Variants in BCAS3 observed in about 807,000 individuals in gnomAD.
The protein encoded by BCAS3 is BCAS3 microtubule associated cell migration factor, also known as BCAS4/BCAS3 fusion.
A neutral mutation model predicts 116.1 loss-of-function variants in BCAS3; 53 were observed. The ratio of observed to expected loss-of-function variants is 0.46; its 90% CI spans 0.37 to 0.57. BCAS3 has a LOEUF of 0.57. BCAS3 is among the 20% of genes least tolerant of loss of function. The probability of loss-of-function intolerance (pLI) is 0.00; values close to 1 mark genes in which losing one functional copy is unlikely to be tolerated. For synonymous variants in BCAS3, 391 were observed against 408.2 expected (o/e 0.96, Z 0.51); for missense variants, 917 against 1,165.4 (o/e 0.79, Z 3.10).
chr17:61,102,746 T>C (rs187133742), intron 22 of BCAS3, among the ~76,000 whole-genome samples: 5 of 152,226 alleles, frequency 3.3e-5, no homozygotes, highest in Admixed American at 1.3e-4. Context: ...AAGAAGAGTA[T>C]AGGAACATCT....
At chr17:61,303,878 G>C (rs1568802450) in intron 22 of BCAS3, among the ~76,000 whole-genome samples, 5 of 152,160 alleles carry the variant, frequency 3.3e-5, no homozygotes, top group Admixed American at 1.3e-4. Context: ...CACTTAGTAG[G>C]TGTTCAGCAG....
rs189144726 is a variant in BCAS3 at position 61,130,991 on chromosome 17, G to A, written c.2425+46427G>A. On this transcript the variant is annotated intron_variant, in intron 22 of 23. Transcript: ENST00000407086. The surrounding 1 kb of genome is among the most constrained non-coding windows in gnomAD (Gnocchi z 5.0). ...GAATCACTTGAACCTGGGAGGCGGA[G>A]GTTGCAGTGAGCCGAGATTGCGCCA... 6 of 152,396 alleles carry A rather than the reference G, an allele frequency of 3.9e-5. No homozygotes were observed. Among genetic ancestry groups the A allele is most frequent in the African/African-American group, 1.4e-4 (6 of 41,526 alleles). The allele number at this position is 152,396 out of a possible 1,614,324, so 9.4% of individuals were successfully genotyped here.
intron 6 of BCAS3, 151 bp downstream of exon 6, chr17:60,747,430 T>C: frequency 1.6e-6 from 1 of 609,588 alleles, no homozygotes; most frequent in Non-Finnish European, 2.9e-6. Flanking sequence ...AACTTAGTTC[T>C]GTCAGTTGAG....
chr17:61,230,953 T>A (rs1328584149), intron 22 of BCAS3, among the ~76,000 whole-genome samples: 1 of 149,680 alleles, frequency 6.7e-6, no homozygotes, highest in East Asian at 1.9e-4. Context: ...AGCAGCTAGT[T>A]TTTGCCTTTT....
rs991159758 is a variant in BCAS3 at position 61,261,105 on chromosome 17, A to C, written c.2426-107222A>C. Among the ~76,000 whole-genome samples, 20 of 152,258 alleles carry C rather than the reference A, an allele frequency of 1.3e-4. No homozygotes were observed. Among genetic ancestry groups the C allele is most frequent in the African/African-American group, 4.3e-4 (18 of 41,472 alleles). On this transcript the variant is annotated intron_variant, in intron 22 of 23. Coordinates refer to ENST00000407086, the MANE Select transcript of BCAS3 (RefSeq NM_017679.5). This position sits in a 1 kb window ranked among gnomAD's most constrained non-coding sequence, Gnocchi z 4.4. ...ATTTGACACATTTTGCCTGGAAGTC[A>C]TAGAAGAAGACTGAGGTGCCCCCAT...
At chr17:61,237,775 C>T (rs1454255567) in intron 22 of BCAS3, among the ~76,000 whole-genome samples, 1 of 152,186 alleles carries the variant, frequency 6.6e-6, no homozygotes, top group East Asian at 1.9e-4. Flanking sequence ...TCTGGACTGA[C>T]CGTAGACCCC....
At position 61,220,391 on chromosome 17, in the gene BCAS3, A is replaced by G. The variant is rs750233442; in HGVS notation, c.2425+135827A>G. Reference sequence around the variant, plus strand: ...ATCAGGCCCACAGCTTCTATTTTCTATTTAATAGCTTGCCCACATTTTAGA... The same window carrying G: ...ATCAGGCCCACAGCTTCTATTTTCTGTTTAATAGCTTGCCCACATTTTAGA... On this transcript the variant is annotated intron_variant, in intron 22 of 23. Coordinates refer to ENST00000407086, the MANE Select transcript of BCAS3 (RefSeq NM_017679.5). The surrounding 1 kb of genome is among the most constrained non-coding windows in gnomAD (Gnocchi z 4.5). Among the ~76,000 whole-genome samples the G allele has an allele frequency of 6.6e-6, 1 of 152,228 alleles. No individual in the cohort carries two copies. The highest frequency in any genetic ancestry group is 2.1e-4 in the South Asian group (1 of 4,832).
intron 5 of BCAS3, chr17:60,727,453 G>C (rs1647285949): frequency 6.4e-7 from 1 of 1,563,770 alleles, no homozygotes; most frequent in African/African-American, 1.4e-5. Context: ...TCTTACAGAA[G>C]GTTCTTCGGG....
chr17:61,270,747 G>C (rs2050169939), intron 22 of BCAS3, among the ~76,000 whole-genome samples: 1 of 151,936 alleles, frequency 6.6e-6, no homozygotes, highest in Non-Finnish European at 1.5e-5. Context: ...GTTTTGTTTT[G>C]TTTGTTTGTT....
At chr17:60,813,534 A>T (rs28410809) in intron 7 of BCAS3, among the ~76,000 whole-genome samples, 42,706 of 152,120 alleles carry the variant, frequency 0.28, 11,631 homozygotes, top group African/African-American at 0.72. Flanking sequence ...GTGCATAGTT[A>T]GTGAATATTT....
At chr17:61,055,780 C>T (rs944910335) in intron 19 of BCAS3, among the ~76,000 whole-genome samples, 1 of 152,092 alleles carries the variant, frequency 6.6e-6, no homozygotes, top group Admixed American at 6.6e-5. Flanking sequence ...AAATGTATTC[C>T]TTATCTCTTT....
rs546633023 is a variant in BCAS3, at chr17:60,819,339, A to G, written c.476+11263A>G. Among the ~76,000 whole-genome samples the G allele has an allele frequency of 9.2e-5, 14 of 152,322 alleles. No individual in the cohort carries two copies. The East Asian group carries it at 2.5e-3, about 27-fold the overall frequency. ...GAGTAGTCTGTCAGTGTCAAGGAAT[A>G]CACATATTACATTGTAAAATTGTAA... On this transcript the variant is annotated intron_variant, in intron 7 of 23. Transcript: ENST00000407086.
chr17:60,738,429 G>T (rs2041196906), intron 5 of BCAS3, among the ~76,000 whole-genome samples: 1 of 152,146 alleles, frequency 6.6e-6, no homozygotes, highest in Admixed American at 6.5e-5. Flanking sequence ...TTGGGGTATT[G>T]ACCCCTTTAT....
rs1317509063 is a variant in BCAS3 at position 61,346,613 on chromosome 17, T to C, written c.2426-21714T>C. Among the ~76,000 whole-genome samples the C allele has an allele frequency of 6.6e-6, 1 of 152,208 alleles. No homozygotes were observed. Among genetic ancestry groups the C allele is most frequent in the East Asian group, 1.9e-4 (1 of 5,200 alleles). ...AAATTGAGCCAAGAGAGGTAAATAA[T>C]TTACCCAGGGCTATGTAACTATTAA... On this transcript the variant is annotated intron_variant, in intron 22 of 23. Coordinates refer to ENST00000407086, the MANE Select transcript of BCAS3 (RefSeq NM_017679.5). The surrounding 1 kb of genome is among the most constrained non-coding windows in gnomAD (Gnocchi z 5.4).
rs1351857620 is a variant in BCAS3, at chr17:61,355,931, C to G, written c.2426-12396C>G. 6.6e-6 allele frequency among the ~76,000 whole-genome samples: 1 copy of G among 152,208 alleles called. No homozygotes were observed. Among genetic ancestry groups the G allele is most frequent in the Non-Finnish European group, 1.5e-5 (1 of 68,038 alleles). ...CTGCCATAGGAATCCTATCACAGCT[C>G]TATGTGTATGTTTTCTATCCACCTG... On this transcript the variant is annotated intron_variant, in intron 22 of 23. Transcript: ENST00000407086. The surrounding 1 kb of genome is among the most constrained non-coding windows in gnomAD (Gnocchi z 4.2).
intron 12 of BCAS3, among the ~76,000 whole-genome samples, chr17:60,912,269 A>G (rs1184780156): frequency 6.6e-6 from 1 of 152,110 alleles, no homozygotes; most frequent in Non-Finnish European, 1.5e-5. Flanking sequence ...TTTATATAGA[A>G]TATATATTTA....
intron 6 of BCAS3, among the ~76,000 whole-genome samples, chr17:60,775,846 A>G (rs1045388648): frequency 3.3e-5 from 5 of 152,166 alleles, no homozygotes; most frequent in Non-Finnish European, 2.9e-5. Flanking sequence ...CTTCTTATGG[A>G]TGAGGGGGTC....
intron 14 of BCAS3, among the ~76,000 whole-genome samples, chr17:60,949,594 T>G (rs542691796): frequency 3.1e-4 from 47 of 152,290 alleles, no homozygotes; most frequent in African/African-American, 1.1e-3. Flanking sequence ...TTTTTATGGG[T>G]ACATAATAGT....
chr17:60,681,342 A>G (rs1341967149), intron 2 of BCAS3, among the ~76,000 whole-genome samples: 2 of 151,732 alleles, frequency 1.3e-5, no homozygotes, highest in African/African-American at 4.8e-5. Flanking sequence ...TCTACTAAAA[A>G]TACAAAACTT....
Sources: allele counts gnomAD v4.1 joint callset (sites outside exome capture counted in the v4.1 genomes callset), GRCh38; gene constraint gnomAD v4.1.1; non-coding constraint Gnocchi (gnomAD v3.1); transcripts MANE v1.5; gene names NCBI Gene and HGNC (gene_info 2026-07-23, HGNC 2026-07-21).